The following NAP1L1 variants were observed in gnomAD, a reference collection of about 807,000 sequenced individuals.
The protein encoded by NAP1L1 is nucleosome assembly protein 1 like 1, also known as nucleosome assembly protein 1-like 1.
NAP1L1 carries 9 observed loss-of-function variants against 58.9 expected under a neutral mutation model. That is an observed-to-expected ratio of 0.15 (90% CI 0.09 to 0.27). The LOEUF (loss-of-function observed/expected upper bound fraction) is 0.27. Ranked by LOEUF, NAP1L1 falls within the 10% of genes least tolerant of loss-of-function variation. The pLI is 1.00. For missense variants in NAP1L1, 302 were observed against 458.8 expected (o/e 0.66, Z 3.12); for synonymous variants, 130 against 138.3 (o/e 0.94, Z 0.42).
At position 76,038,654 on chromosome 12, in the gene NAP1L1, T is replaced by A. The variant is rs1948524082; in HGVS notation, c.*9775A>T. 1 of 152,050 alleles carries A rather than the reference T, an allele frequency of 6.6e-6. No individual in the cohort carries two copies. Among genetic ancestry groups the A allele is most frequent in the South Asian group, 2.1e-4 (1 of 4,828 alleles). The allele number at this position is 152,050 out of a possible 1,614,324, so 9.4% of individuals were successfully genotyped here. A position where few individuals can be genotyped will look rare whatever the true frequency, so the allele number is the denominator to read the frequency against. Reference sequence around the variant, plus strand: ...CAAGGTAATCTAAGAGTAAAAGGGATAAAAGAATTCTGTGGGGTAGCCAGA... The same window carrying A: ...CAAGGTAATCTAAGAGTAAAAGGGAAAAAAGAATTCTGTGGGGTAGCCAGA... On this transcript the variant is annotated 3_prime_UTR_variant, in exon 15 of 15. Coordinates refer to ENST00000618691, the MANE Select transcript of NAP1L1 (RefSeq NM_004537.7).
chr12:76,081,101 A>G (rs1369026632), intron 1 of NAP1L1, among the ~76,000 whole-genome samples: 1 of 151,852 alleles, frequency 6.6e-6, no homozygotes, highest in South Asian at 2.1e-4. Flanking sequence ...TAAATTACTC[A>G]GTTTCAGGTA....
chr12:76,075,330 T>A (rs527294896), intron 1 of NAP1L1, among the ~76,000 whole-genome samples: 2 of 152,218 alleles, frequency 1.3e-5, no homozygotes, highest in East Asian at 3.9e-4. Flanking sequence ...TATGAATAAA[T>A]AGAATCAAGT....
At chr12:76,069,765 T>C (rs991764830) in intron 2 of NAP1L1, among the ~76,000 whole-genome samples, 2 of 151,938 alleles carry the variant, frequency 1.3e-5, no homozygotes, top group African/African-American at 4.8e-5. Flanking sequence ...GCCAAGATGA[T>C]AGCACCATTC....
Position 76,038,122 on chromosome 12 carries a change from G to A in NAP1L1, c.*10307C>T, listed in dbSNP as rs1871093761. 2 of 152,154 alleles carry A rather than the reference G, an allele frequency of 1.3e-5. No individual in the cohort carries two copies. The highest frequency in any genetic ancestry group is 4.8e-5 in the African/African-American group (2 of 41,440). The allele number at this position is 152,154 out of a possible 1,614,324, so 9.4% of individuals were successfully genotyped here. The stretch of plus-strand genomic sequence containing the variant: ...AGGCTGAGAGAACCAGTATTATGTT[G>A]TCACAAAACTGCAATCACTCAAAAG... On this transcript the variant is annotated 3_prime_UTR_variant, in exon 15 of 15. Coordinates refer to ENST00000618691, the MANE Select transcript of NAP1L1 (RefSeq NM_004537.7).
intron 6 of NAP1L1, chr12:76,057,510 G>A (rs1311253956): frequency 2.9e-6 from 2 of 697,608 alleles, no homozygotes; most frequent in Non-Finnish European, 2.6e-6. Flanking sequence ...GAGCTGGCGG[G>A]GCCTGTGCAA....
At chr12:76,061,757 C>A (rs1165754528) in intron 4 of NAP1L1, among the ~76,000 whole-genome samples, 1 of 152,198 alleles carries the variant, frequency 6.6e-6, no homozygotes, top group African/African-American at 2.4e-5. Context: ...TACTTAGCCA[C>A]CAGTTTACTT....
intron 5 of NAP1L1, 34 bp from the exon 6 acceptor site, chr12:76,059,912 A>C (rs759110301): frequency 6.7e-7 from 1 of 1,490,620 alleles, no homozygotes. Flanking sequence ...GCTGTATAAA[A>C]ACACTGGCAT....
intron 1 of NAP1L1, among the ~76,000 whole-genome samples, chr12:76,080,914 G>C (rs1950378005): frequency 6.6e-6 from 1 of 151,990 alleles, no homozygotes; most frequent in Non-Finnish European, 1.5e-5. Context: ...TTCCCACCAG[G>C]GGAGCTGGAG....
At chr12:76,078,003 G>GGA (rs1950257817) in intron 1 of NAP1L1, among the ~76,000 whole-genome samples, 1 of 135,958 alleles carries the variant, frequency 7.4e-6, no homozygotes, top group African/African-American at 2.7e-5. Context: ...AAAAAAAAAG[G>GGA]AAAAGAATTA....
At chr12:76,060,545 T>C (rs923094750) in intron 4 of NAP1L1, among the ~76,000 whole-genome samples, 2 of 152,214 alleles carry the variant, frequency 1.3e-5, no homozygotes, top group African/African-American at 4.8e-5. Flanking sequence ...AGTTAAGTGT[T>C]GGACTTGTCA....
Position 76,043,154 on chromosome 12 carries a change from A to G in NAP1L1, c.*5275T>C, listed in dbSNP as rs1470401279. On this transcript the variant is annotated 3_prime_UTR_variant, in exon 15 of 15. Coordinates refer to ENST00000618691, the MANE Select transcript of NAP1L1 (RefSeq NM_004537.7). ...GCATATATATGACCCTGAAGCCTTTACTGGCCCCTGGGGCCCACCTACCTC... is the reference window on the plus strand; with the variant it reads ...GCATATATATGACCCTGAAGCCTTTGCTGGCCCCTGGGGCCCACCTACCTC... The G allele has an allele frequency of 6.6e-6, 1 of 152,156 alleles. No homozygotes were observed. The highest frequency in any genetic ancestry group is 1.5e-5 in the Non-Finnish European group (1 of 68,034). 9.4% of individuals were successfully genotyped at this position (152,156 alleles called of 1,614,324 possible).
intron 6 of NAP1L1, chr12:76,057,816 G>T (rs1224261644): frequency 6.5e-7 from 1 of 1,546,644 alleles, no homozygotes; most frequent in Non-Finnish European, 8.7e-7. Flanking sequence ...AAGAGGAGAA[G>T]AAAAAACAGA....
At chr12:76,056,720 T>C (rs1470764720) in intron 6 of NAP1L1, 1 of 441,058 alleles carries the variant, frequency 2.3e-6, no homozygotes, top group Admixed American at 2.6e-5. Flanking sequence ...ATCTACAAAC[T>C]AAAAACTGTA....
chr12:76,059,180 G>C (rs1399312173), intron 6 of NAP1L1, among the ~76,000 whole-genome samples: 5 of 152,222 alleles, frequency 3.3e-5, no homozygotes, highest in African/African-American at 1.2e-4. Context: ...ATGGTGCACT[G>C]TGTGGTATGT....
chr12:76,057,920 AC>A, intron 6 of NAP1L1: 1 of 1,155,538 alleles, frequency 8.7e-7, no homozygotes, highest in South Asian at 1.3e-5. Context: ...GAAATATGTG[AC>A]AAGGGTTGTG....
At chr12:76,049,284 T>C (rs746622836) in intron 13 of NAP1L1, 34 bp from the exon 14 acceptor site, 13 of 1,612,762 alleles carry the variant, frequency 8.1e-6, no homozygotes, top group Middle Eastern at 1.6e-4. Flanking sequence ...CCATGAAGTA[T>C]GTACATAGTA....
intron 1 of NAP1L1, among the ~76,000 whole-genome samples, chr12:76,080,519 C>G (rs908304618): frequency 7.2e-5 from 11 of 152,176 alleles, no homozygotes; most frequent in Admixed American, 4.6e-4. Context: ...GCCGTACCAT[C>G]TAGGTTTGTG....
intron 4 of NAP1L1, among the ~76,000 whole-genome samples, chr12:76,066,876 A>C (rs995384398): frequency 2.0e-5 from 3 of 152,162 alleles, no homozygotes; most frequent in Non-Finnish European, 4.4e-5. Context: ...TTGATAAATA[A>C]GTCCATCATA....
At chr12:76,076,583 TATATATA>T in intron 1 of NAP1L1, among the ~76,000 whole-genome samples, 1 of 124,458 alleles carries the variant, frequency 8.0e-6, no homozygotes, top group East Asian at 2.2e-4. Context: ...TATATATATA[TATATATA>T]TATCTCCACT....
Sources: gnomAD v4.1 joint callset for allele counts (sites outside exome capture counted in the v4.1 genomes callset) on GRCh38, gnomAD v4.1.1 for gene constraint, MANE v1.5 for transcripts, NCBI Gene and HGNC (gene_info 2026-07-23, HGNC 2026-07-21) for gene names.